The following STK33 variants were observed in gnomAD, a reference collection of about 807,000 sequenced individuals.
The protein encoded by STK33 is serine/threonine-protein kinase 33.
STK33 carries 52 observed loss-of-function variants against 58.0 expected under a neutral mutation model. The ratio of observed to expected loss-of-function variants is 0.90; its 90% CI spans 0.72 to 1.13. The LOEUF (loss-of-function observed/expected upper bound fraction) is 1.13. Ranked by LOEUF, STK33 falls within the 50% of genes most tolerant of loss-of-function variation. The pLI, the probability that STK33 is intolerant of heterozygous loss-of-function variation, is 0.00. For synonymous variants in STK33, 215 were observed against 200.1 expected (o/e 1.07, Z -0.63); for missense variants, 630 against 604.2 (o/e 1.04, Z -0.45).
chr11:8,564,495 C>A (rs1286451130), intron 1 of STK33, among the ~76,000 whole-genome samples: 1 of 151,934 alleles, frequency 6.6e-6, no homozygotes, highest in Non-Finnish European at 1.5e-5. Flanking sequence ...AAAGTTTCAC[C>A]CAAGAGATAA....
chr11:8,542,481 C>T (rs1307642650), intron 1 of STK33, among the ~76,000 whole-genome samples: 1 of 152,092 alleles, frequency 6.6e-6, no homozygotes, highest in Admixed American at 6.5e-5. Flanking sequence ...GAACATCTTT[C>T]GTTGTCACAA....
chr11:8,477,560 A>G (rs1421511006), intron 2 of STK33, among the ~76,000 whole-genome samples: 1 of 152,190 alleles, frequency 6.6e-6, no homozygotes, highest in Non-Finnish European at 1.5e-5. Flanking sequence ...CATGATAAAC[A>G]GTACTCCTAA....
At chr11:8,416,481 AAAAGGT>A (rs1941143598) in intron 14 of STK33, among the ~76,000 whole-genome samples, 1 of 152,164 alleles carries the variant, frequency 6.6e-6, no homozygotes, top group Admixed American at 6.6e-5. Context: ...GATTTTGACA[AAAAGGT>A]AAAGGGCATG....
chr11:8,532,217 T>C (rs1954611910), intron 1 of STK33, among the ~76,000 whole-genome samples: 2 of 152,364 alleles, frequency 1.3e-5, no homozygotes, highest in South Asian at 2.1e-4. Context: ...TACCATCACT[T>C]ATTCACACAA....
chr11:8,438,957 T>C (rs1293891142), intron 12 of STK33, among the ~76,000 whole-genome samples: 1 of 152,180 alleles, frequency 6.6e-6, no homozygotes, highest in Non-Finnish European at 1.5e-5. Flanking sequence ...ACAGCTACAA[T>C]CACATCATCC....
rs1409259497 is a variant in STK33, at chr11:8,474,685, T to G, written c.221A>C (p.Asp74Ala). 6.2e-7 allele frequency: 1 copy of G among 1,601,252 alleles called. No individual in the cohort carries two copies. The highest frequency in any genetic ancestry group is 8.5e-7 in the Non-Finnish European group (1 of 1,175,284). Residue 74 changes from aspartate (D) to alanine (A), a missense_variant, in exon 5 of 16, where the codon GAT (aspartate) becomes GCT (alanine). Coordinates refer to ENST00000687296, the MANE Select transcript of STK33 (RefSeq NM_001352389.2). ...NINRDITSRK[D>A]LPSRTSNVER... is the part of the protein sequence containing the mutation. ...TGTGGAATCTTTGATATTTACCAAATCTTTCCTGGAGGTTATATCTCTGTT... is the reference window on the plus strand; with the variant it reads ...TGTGGAATCTTTGATATTTACCAAAGCTTTCCTGGAGGTTATATCTCTGTT...
At chr11:8,539,073 C>T (rs1955288904) in intron 1 of STK33, among the ~76,000 whole-genome samples, 1 of 151,818 alleles carries the variant, frequency 6.6e-6, no homozygotes. Context: ...GTAACCTATC[C>T]AAGAAGTATC....
chr11:8,417,932 T>C (rs1177374692), intron 14 of STK33, among the ~76,000 whole-genome samples: 1 of 152,102 alleles, frequency 6.6e-6, no homozygotes, highest in Non-Finnish European at 1.5e-5. Context: ...CTGTTAAAAT[T>C]TATCTTATAT....
At chr11:8,420,181 T>C (rs1941712720) in intron 14 of STK33, among the ~76,000 whole-genome samples, 1 of 152,100 alleles carries the variant, frequency 6.6e-6, no homozygotes, top group African/African-American at 2.4e-5. Flanking sequence ...TGATGTAAGT[T>C]TTAGATACCC....
intron 4 of STK33, among the ~76,000 whole-genome samples, chr11:8,476,049 A>G (rs1248818004): frequency 6.6e-6 from 1 of 152,224 alleles, no homozygotes. Flanking sequence ...GATTGGCAGG[A>G]AAATCTGCCA....
chr11:8,436,326 T>C lies in STK33; in HGVS notation c.948-187A>G, dbSNP rs534338980. On this transcript the variant is annotated intron_variant, in intron 12 of 15. Coordinates refer to ENST00000687296, the MANE Select transcript of STK33 (RefSeq NM_001352389.2). ...TTTTCCAAGATCAGTGCTAGGCTCT[T>C]ATTTCAACATTGAGAGGAAGGATCT... Among the ~76,000 whole-genome samples, 4 of 152,308 alleles carry C rather than the reference T, an allele frequency of 2.6e-5. No individual in the cohort carries two copies. In the South Asian group the frequency reaches 8.3e-4, roughly 32 times the overall value.
chr11:8,416,946 G>A (rs919109529), intron 14 of STK33, among the ~76,000 whole-genome samples: 15 of 152,272 alleles, frequency 9.9e-5, no homozygotes, highest in Admixed American at 7.8e-4. Flanking sequence ...CTTGCTAGCA[G>A]CTGAAGGATA....
At position 8,556,386 on chromosome 11, in the gene STK33, T is replaced by C. The variant is rs118045712; in HGVS notation, c.-466+37697A>G. Among the ~76,000 whole-genome samples the C allele has an allele frequency of 1.1e-3, 174 of 152,334 alleles. 3 individuals are homozygous for C. The East Asian group carries it at 0.032, about 28-fold the overall frequency. On this transcript the variant is annotated intron_variant, in intron 1 of 15. Transcript: ENST00000687296. ...GAATTCAGGAATTCATTTATAAAAA[T>C]GTAATTTATATGCATCTTTTCAGTA...
At chr11:8,503,359 T>TTGGAGGCCATTATCCTAA (rs1313654291) in intron 1 of STK33, among the ~76,000 whole-genome samples, 1 of 152,266 alleles carries the variant, frequency 6.6e-6, no homozygotes, top group Admixed American at 6.5e-5. Flanking sequence ...AGCAGACTAA[T>TTGGAGGCCATTATCCTAA]GCAGGAACAG....
intron 1 of STK33, among the ~76,000 whole-genome samples, chr11:8,531,565 C>T (rs540334072): frequency 1.9e-4 from 29 of 152,202 alleles, no homozygotes; most frequent in Admixed American, 1.8e-3. Flanking sequence ...AGGAGCTGAG[C>T]TGGGAGCTTA....
intron 1 of STK33, among the ~76,000 whole-genome samples, chr11:8,496,029 A>G (rs1248267635): frequency 1.3e-5 from 2 of 152,102 alleles, no homozygotes; most frequent in African/African-American, 4.8e-5. Context: ...GCAAACCAAC[A>G]TGGTTCACGC....
At position 8,473,174 on chromosome 11, in the gene STK33, C is replaced by T; in HGVS notation, c.328G>A (p.Ala110Thr). ...TGCTTTCTATATACCTCAATAGCAG[C>T]TCCATTCTCAATCCTTATGTGAGGA... ...KVPHIRIENGAAIEEIYTFGR... is the reference protein window; with the variant it reads ...KVPHIRIENGTAIEEIYTFGR... The change falls in exon 6 of 16, where the codon GCT becomes ACT. Residue 110 changes from alanine to threonine, a missense_variant. Physicochemically the swap from Ala to Thr is moderately conservative, Grantham distance 58. Coordinates refer to ENST00000687296, the MANE Select transcript of STK33 (RefSeq NM_001352389.2). 1 of 1,611,176 alleles carries T rather than the reference C, an allele frequency of 6.2e-7. No homozygotes were observed. The highest frequency in any genetic ancestry group is 1.3e-5 in the African/African-American group (1 of 74,892).
At chr11:8,549,344 C>T (rs1490360495) in intron 1 of STK33, among the ~76,000 whole-genome samples, 1 of 152,084 alleles carries the variant, frequency 6.6e-6, no homozygotes, top group East Asian at 1.9e-4. Flanking sequence ...GCTAAATGAT[C>T]TTTTCAGTGT....
rs1383033821 is a variant in STK33 at position 8,461,853 on chromosome 11, T to TA, written c.509dup (p.His172ThrfsTer2). ...CCAGATGTATGATGTGTTCATGTTT[T>TA]ACACTTTTCAGAATGTTCACCTCTC... is the stretch of plus-strand genomic sequence containing the variant. On this transcript the variant is annotated frameshift_variant, in exon 8 of 16. Coordinates refer to ENST00000687296, the MANE Select transcript of STK33 (RefSeq NM_001352389.2). LOFTEE classifies it high-confidence loss of function. 6.2e-7 allele frequency: 1 copy of TA among 1,603,470 alleles called. No homozygotes were observed. Among genetic ancestry groups the TA allele is most frequent in the African/African-American group, 1.3e-5 (1 of 74,268 alleles).
Sources: allele counts gnomAD v4.1 joint callset (sites outside exome capture counted in the v4.1 genomes callset), GRCh38; gene constraint gnomAD v4.1.1; transcripts MANE v1.5; gene names NCBI Gene and HGNC (gene_info 2026-07-23, HGNC 2026-07-21).